ANXA3: variants seen among roughly 807,000 people sequenced by gnomAD.
ANXA3 encodes the protein annexin A3.
Under a neutral mutation model 48.8 loss-of-function variants are expected in ANXA3, and 46 were observed. The observed-to-expected ratio is 0.94, with a 90% confidence interval of 0.74 to 1.21. The LOEUF (loss-of-function observed/expected upper bound fraction) is 1.21, where lower values mean the gene tolerates loss of function less well. Among genes scored for constraint, ANXA3 ranks in the 50% most tolerant of loss-of-function variants. ANXA3 has a pLI of 0.00. For missense variants in ANXA3, 383 were observed against 378.6 expected, an observed-to-expected ratio of 1.01 and a Z score of -0.10; for synonymous variants, 128 against 134.7, an observed-to-expected ratio of 0.95 and a Z score of 0.35.
intron 2 of ANXA3, among the ~76,000 whole-genome samples, chr4:78,567,619 C>G (rs764551638): frequency 6.6e-6 from 1 of 152,146 alleles, no homozygotes; most frequent in East Asian, 1.9e-4. Context: ...TAGAAAAGGA[C>G]CTTTGAATCT....
intron 3 of ANXA3, among the ~76,000 whole-genome samples, chr4:78,573,742 T>C (rs968351876): frequency 6.6e-6 from 1 of 152,232 alleles, no homozygotes; most frequent in African/African-American, 2.4e-5. Context: ...ATGAAGATTC[T>C]GGGAAAAAGG....
intron 5 of ANXA3, among the ~76,000 whole-genome samples, chr4:78,585,285 C>A (rs1447715623): frequency 6.6e-6 from 1 of 152,198 alleles, no homozygotes; most frequent in Non-Finnish European, 1.5e-5. Flanking sequence ...TGTGGTGGCA[C>A]CACCATTATC....
intron 3 of ANXA3, among the ~76,000 whole-genome samples, chr4:78,578,298 C>CGAGAGGGAGAGAGAGA (rs1451574068): frequency 2.2e-5 from 1 of 46,504 alleles, no homozygotes; most frequent in Admixed American, 3.0e-4. Context: ...AGAGAGAGAG[C>CGAGAGGGAGAGAGAGA]GAGAGAGAGA....
chr4:78,607,885 T>A (rs777236513), intron 12 of ANXA3, among the ~76,000 whole-genome samples: 21 of 151,936 alleles, frequency 1.4e-4, no homozygotes, highest in Non-Finnish European at 2.6e-4. Context: ...AGACCCCAGA[T>A]CAATAGGGTC....
intron 12 of ANXA3, among the ~76,000 whole-genome samples, chr4:78,605,810 T>C (rs1275246413): frequency 6.6e-6 from 1 of 152,226 alleles, no homozygotes; most frequent in Non-Finnish European, 1.5e-5. Flanking sequence ...AATAGGGCAG[T>C]AAGCCTGACA....
intron 2 of ANXA3, among the ~76,000 whole-genome samples, chr4:78,564,255 C>T (rs1722683965): frequency 6.6e-6 from 1 of 152,218 alleles, no homozygotes; most frequent in Non-Finnish European, 1.5e-5. Context: ...TCACCAGACA[C>T]AGTCATGCAT....
rs1297143861 is a variant in ANXA3 at position 78,610,121 on chromosome 4, G to A, written c.*6G>A. ...TCTGTGGTGGAGATGACTGAACCAAGAAGATAATCTCCAAAGGTCCACGAT... is the reference window on the plus strand; with the variant it reads ...TCTGTGGTGGAGATGACTGAACCAAAAAGATAATCTCCAAAGGTCCACGAT... On this transcript the variant is annotated 3_prime_UTR_variant, in exon 13 of 13. Transcript: ENST00000264908. The A allele has an allele frequency of 6.2e-7, 1 of 1,605,628 alleles. No individual in the cohort carries two copies. Among genetic ancestry groups the A allele is most frequent in the African/African-American group, 1.3e-5 (1 of 74,744 alleles).
At chr4:78,590,750 G>GA (rs1003783323) in intron 6 of ANXA3, among the ~76,000 whole-genome samples, 3 of 148,242 alleles carry the variant, frequency 2.0e-5, no homozygotes, top group Non-Finnish European at 4.4e-5. Flanking sequence ...TGGGAGATAC[G>GA]AAAAAATATG....
intron 10 of ANXA3, 134 bp downstream of exon 10, chr4:78,597,548 A>G (rs1018619015): frequency 1.3e-5 from 8 of 601,150 alleles, no homozygotes; most frequent in Non-Finnish European, 2.4e-5. Flanking sequence ...ATGGTCCAGG[A>G]TACACACAGT....
At chr4:78,581,134 C>T (rs576142304) in intron 4 of ANXA3, among the ~76,000 whole-genome samples, 1 of 152,246 alleles carries the variant, frequency 6.6e-6, no homozygotes, top group Non-Finnish European at 1.5e-5. Context: ...CACTGAATGC[C>T]ACCCCATTTG....
At chr4:78,566,330 G>T (rs1383905451) in intron 2 of ANXA3, among the ~76,000 whole-genome samples, 1 of 152,010 alleles carries the variant, frequency 6.6e-6, no homozygotes, top group Admixed American at 6.6e-5. Flanking sequence ...CTGCCCTGAT[G>T]ATGAAATCAC....
rs904040671 is a variant in ANXA3 at position 78,604,216 on chromosome 4, A to T, written c.790-61A>T. On this transcript the variant is annotated intron_variant, in intron 11 of 12. Transcript: ENST00000264908. ...CATTATCTGATTCTTATAAATATAG[A>T]TCTCTATGTTGCTTTGTGACCAATG... 1.5e-5 allele frequency: 22 copies of T among 1,469,066 alleles called. No individual in the cohort carries two copies. The Admixed American group carries it at 4.4e-4, about 30-fold the overall frequency. 91.0% of individuals were successfully genotyped at this position (1,469,066 alleles called of 1,614,324 possible).
intron 2 of ANXA3, 97 bp downstream of exon 2, chr4:78,554,585 T>A (rs1044972368): frequency 1.9e-5 from 21 of 1,077,090 alleles, no homozygotes; most frequent in African/African-American, 3.1e-5. Context: ...GGAAAGTTTT[T>A]AAGTTTATCT....
At chr4:78,587,512 A>G (rs1201043999) in intron 6 of ANXA3, among the ~76,000 whole-genome samples, 1 of 152,178 alleles carries the variant, frequency 6.6e-6, no homozygotes, top group African/African-American at 2.4e-5. Flanking sequence ...CTACTATTCA[A>G]TGGCCCCATA....
intron 2 of ANXA3, among the ~76,000 whole-genome samples, chr4:78,559,017 G>A (rs1006205053): frequency 3.9e-5 from 6 of 152,092 alleles, no homozygotes; most frequent in African/African-American, 1.4e-4. Flanking sequence ...AATAATAAAT[G>A]TAATTCCTAT....
At chr4:78,577,934 C>T (rs13126934) in intron 3 of ANXA3, among the ~76,000 whole-genome samples, 89,376 of 151,760 alleles carry the variant, frequency 0.59, 28,219 homozygotes, top group East Asian at 0.87. Context: ...TCAGCTCTGG[C>T]CTGATGTTAC....
intron 2 of ANXA3, among the ~76,000 whole-genome samples, chr4:78,570,511 T>C (rs1722822226): frequency 6.6e-6 from 1 of 152,212 alleles, no homozygotes; most frequent in Non-Finnish European, 1.5e-5. Flanking sequence ...CTCTAAAACA[T>C]ATGATTCAGT....
chr4:78,596,551 G>A (rs1723428344), intron 9 of ANXA3, among the ~76,000 whole-genome samples: 1 of 152,238 alleles, frequency 6.6e-6, no homozygotes, highest in East Asian at 1.9e-4. Context: ...CTGAGTTGAC[G>A]GAACAATGAG....
At chr4:78,569,104 C>T (rs1479173970) in intron 2 of ANXA3, among the ~76,000 whole-genome samples, 2 of 152,192 alleles carry the variant, frequency 1.3e-5, no homozygotes, top group Admixed American at 1.3e-4. Flanking sequence ...ATAAAGAGCT[C>T]CTGTTACTTT....
Sources: gnomAD v4.1 joint callset for allele counts (sites outside exome capture counted in the v4.1 genomes callset) on GRCh38, gnomAD v4.1.1 for gene constraint, MANE v1.5 for transcripts, NCBI Gene and HGNC (gene_info 2026-07-23, HGNC 2026-07-21) for gene names.